The following STXBP5L variants were observed in gnomAD, a reference collection of about 807,000 sequenced individuals.
The protein encoded by STXBP5L is syntaxin binding protein 5L.
STXBP5L carries 65 observed loss-of-function variants against 144.5 expected under a neutral mutation model. That is an observed-to-expected ratio of 0.45 (90% confidence interval 0.37 to 0.55). The LOEUF (loss-of-function observed/expected upper bound fraction) is 0.55. Ranked by LOEUF, STXBP5L falls within the 20% of genes least tolerant of loss-of-function variation. STXBP5L has a pLI of 0.00. For synonymous variants in STXBP5L, 505 were observed against 469.6 expected (o/e 1.08, Z -0.97); for missense variants, 1,298 against 1,405.5 (o/e 0.92, Z 1.22).
chr3:121,310,240 A>G (rs1326537235), intron 19 of STXBP5L, among the ~76,000 whole-genome samples: 2 of 152,266 alleles, frequency 1.3e-5, no homozygotes, highest in Admixed American at 1.3e-4. Context: ...CTTAGGAATT[A>G]AAAAGAAATT....
At chr3:120,997,616 G>T (rs983008499) in intron 3 of STXBP5L, among the ~76,000 whole-genome samples, 26 of 152,012 alleles carry the variant, frequency 1.7e-4, no homozygotes, top group Non-Finnish European at 1.2e-4. Context: ...CCAATTTTTA[G>T]TGGGGTTGTT....
In STXBP5L at chr3:120,965,536, G is replaced by A. The variant is rs563185556; in HGVS notation, c.287+10499G>A. 5.9e-5 allele frequency among the ~76,000 whole-genome samples: 9 copies of A among 152,276 alleles called. No homozygotes were observed. In the South Asian group the frequency reaches 1.5e-3, roughly 25 times the overall value. On this transcript the variant is annotated intron_variant, in intron 3 of 26. Transcript: ENST00000471454. ...ATTTTAATTCTCCTTCATTTATGAA[G>A]CCTAGTTTGGCTGGATATGATATTC...
chr3:121,073,175 C>G (rs181645215), intron 5 of STXBP5L, among the ~76,000 whole-genome samples: 44 of 152,342 alleles, frequency 2.9e-4, no homozygotes, highest in Non-Finnish European at 2.9e-5. Flanking sequence ...ACCTCATCCA[C>G]TGTTTCCACA....
intron 9 of STXBP5L, among the ~76,000 whole-genome samples, chr3:121,161,374 T>C (rs1161210164): frequency 6.6e-6 from 1 of 151,998 alleles, no homozygotes; most frequent in Middle Eastern, 3.2e-3. Context: ...CCTTCCATAA[T>C]TTCTGAATGA....
intron 5 of STXBP5L, among the ~76,000 whole-genome samples, chr3:121,064,842 G>A (rs555847517): frequency 6.6e-6 from 1 of 152,236 alleles, no homozygotes; most frequent in Admixed American, 6.5e-5. Flanking sequence ...CTGTCGCCCA[G>A]GTGGTGAGCA....
intron 11 of STXBP5L, among the ~76,000 whole-genome samples, chr3:121,228,888 GAAGAA>G (rs1178695076): frequency 6.6e-6 from 1 of 151,934 alleles, no homozygotes; most frequent in African/African-American, 2.4e-5. Context: ...GAAAAGAAAA[GAAGAA>G]AAGAAAAGAA....
intron 9 of STXBP5L, among the ~76,000 whole-genome samples, chr3:121,171,226 A>G (rs2046703060): frequency 6.6e-6 from 1 of 152,230 alleles, no homozygotes; most frequent in Non-Finnish European, 1.5e-5. Flanking sequence ...AATAAGAGCT[A>G]TTTATAACAA....
chr3:121,038,534 A>G (rs1412829286), intron 3 of STXBP5L, among the ~76,000 whole-genome samples: 1 of 151,722 alleles, frequency 6.6e-6, no homozygotes, highest in African/African-American at 2.4e-5. Context: ...TCTCTTAGTA[A>G]TTGTTTCTTT....
At chr3:121,008,095 G>T (rs1403719) in intron 3 of STXBP5L, among the ~76,000 whole-genome samples, 2 of 151,660 alleles carry the variant, frequency 1.3e-5, no homozygotes, top group African/African-American at 2.4e-5. Context: ...TTTCCTACTG[G>T]GTTTATGTAG....
intron 20 of STXBP5L, among the ~76,000 whole-genome samples, chr3:121,347,831 T>A (rs2045068578): frequency 6.6e-6 from 1 of 152,244 alleles, no homozygotes; most frequent in Non-Finnish European, 1.5e-5. Context: ...TTGCTGAAGT[T>A]GCTTATCAGC....
intron 3 of STXBP5L, among the ~76,000 whole-genome samples, chr3:121,029,224 C>G (rs1314431217): frequency 1.3e-5 from 2 of 152,132 alleles, no homozygotes; most frequent in African/African-American, 4.8e-5. Context: ...ATAGCCAAGA[C>G]AATCCTAAGC....
chr3:121,006,124 G>A (rs1025128212), intron 3 of STXBP5L, among the ~76,000 whole-genome samples: 2 of 150,632 alleles, frequency 1.3e-5, no homozygotes, highest in Non-Finnish European at 2.9e-5. Context: ...TTTCTGTCTC[G>A]TTGTTCTGTC....
chr3:121,342,563 G>T (rs769966524), intron 20 of STXBP5L, among the ~76,000 whole-genome samples: 3 of 139,674 alleles, frequency 2.1e-5, no homozygotes, highest in African/African-American at 8.1e-5. Context: ...TGTTCTCATT[G>T]TTCAATTCCA....
At chr3:121,376,478 A>G (rs571282831) in intron 20 of STXBP5L, among the ~76,000 whole-genome samples, 75 of 152,194 alleles carry the variant, frequency 4.9e-4, no homozygotes, top group Non-Finnish European at 8.1e-4. Context: ...AGCACCATTG[A>G]TTAAATAGGG....
chr3:120,970,098 TGA>T (rs1559928034), intron 3 of STXBP5L, among the ~76,000 whole-genome samples: 2 of 152,096 alleles, frequency 1.3e-5, no homozygotes, highest in African/African-American at 4.8e-5. Context: ...CCCAATAATT[TGA>T]TTTATTGGTG....
intron 17 of STXBP5L, 73 bp from the exon 18 acceptor site, chr3:121,258,970 A>G: frequency 2.9e-6 from 4 of 1,396,158 alleles, no homozygotes; most frequent in South Asian, 1.9e-5. Context: ...GCATGATTCT[A>G]TGTAAATTCT....
At chr3:121,368,489 C>T (rs1490886035) in intron 20 of STXBP5L, among the ~76,000 whole-genome samples, 5 of 151,640 alleles carry the variant, frequency 3.3e-5, no homozygotes, top group Non-Finnish European at 5.9e-5. Context: ...GGGATAATTT[C>T]TGTTGCTATT....
intron 20 of STXBP5L, among the ~76,000 whole-genome samples, chr3:121,330,922 C>T (rs1204746091): frequency 6.6e-6 from 1 of 152,188 alleles, no homozygotes; most frequent in Non-Finnish European, 1.5e-5. Context: ...CGCCTGTCAC[C>T]ACCATCAGAG....
intron 3 of STXBP5L, among the ~76,000 whole-genome samples, chr3:120,962,039 T>C (rs1938896115): frequency 6.6e-6 from 1 of 152,238 alleles, no homozygotes; most frequent in Non-Finnish European, 1.5e-5. Flanking sequence ...GATGAGCATT[T>C]TTTCATGTGT....
Sources: allele counts gnomAD v4.1 joint callset (sites outside exome capture counted in the v4.1 genomes callset), GRCh38; gene constraint gnomAD v4.1.1; transcripts MANE v1.5; gene names NCBI Gene and HGNC (gene_info 2026-07-23, HGNC 2026-07-21).